Variants in CUBN observed in about 807,000 individuals in gnomAD.
CUBN encodes 460 kDa receptor.
Under a neutral mutation model 405.3 loss-of-function variants are expected in CUBN, and 282 were observed. That is an observed-to-expected ratio of 0.70 (90% CI 0.63 to 0.77). The LOEUF (loss-of-function observed/expected upper bound fraction) is 0.77, where lower values mean the gene tolerates loss of function less well. Among genes scored for constraint, CUBN ranks in the 30% least tolerant of loss-of-function variants. CUBN has a pLI of 0.00. For synonymous variants in CUBN, 1,684 were observed against 1,617.0 expected (o/e 1.04, Z -0.99); for missense variants, 4,514 against 4,475.2 (o/e 1.01, Z -0.25).
At chr10:16,860,480 A>T (rs1839982379) in intron 59 of CUBN, among the ~76,000 whole-genome samples, 1 of 152,240 alleles carries the variant, frequency 6.6e-6, no homozygotes, top group African/African-American at 2.4e-5. Flanking sequence ...ATGGCTTCAA[A>T]ATAAAAAAGA....
rs78257691 is a variant in CUBN at position 17,061,226 on chromosome 10, A to C, written c.3139+4282T>G. On this transcript the variant is annotated intron_variant, in intron 22 of 66. Transcript: ENST00000377833. ...TTTCCATCATGAGCAGTTACAGTCCAATCCACTATTGTATCTCCCTTGTAA... is the reference window on the plus strand; with the variant it reads ...TTTCCATCATGAGCAGTTACAGTCCCATCCACTATTGTATCTCCCTTGTAA... 5.9e-3 allele frequency among the ~76,000 whole-genome samples: 897 copies of C among 152,282 alleles called. 8 individuals are homozygous for C. Among genetic ancestry groups the C allele is most frequent in the African/African-American group, 0.021 (857 of 41,554 alleles).
intron 36 of CUBN, among the ~76,000 whole-genome samples, chr10:16,944,360 C>CA (rs1020703932): frequency 2.0e-5 from 3 of 152,140 alleles, no homozygotes; most frequent in African/African-American, 7.2e-5. Flanking sequence ...ATATGTCTTA[C>CA]AAAAAACTCC....
intron 19 of CUBN, 144 bp downstream of exon 19, chr10:17,071,282 T>C: frequency 1.2e-6 from 1 of 815,212 alleles, no homozygotes. Flanking sequence ...AGTATTTTGC[T>C]GAGGATTTTT....
intron 54 of CUBN, among the ~76,000 whole-genome samples, chr10:16,898,157 A>T (rs1841249266): frequency 6.6e-6 from 1 of 151,824 alleles, no homozygotes; most frequent in African/African-American, 2.4e-5. Context: ...ATCATTTGAG[A>T]GTTGATAGGA....
intron 31 of CUBN, among the ~76,000 whole-genome samples, chr10:16,970,533 A>G (rs1687698): frequency 0.83 from 124,526 of 149,772 alleles, 52,344 homozygotes; most frequent in Non-Finnish European, 0.9. Flanking sequence ...CTGAGATCAC[A>G]CCTTTGCACT....
In CUBN at chr10:16,982,499, T is replaced by C. The variant is rs1242659040; in HGVS notation, c.4680A>G (p.Gln1560=). Residue 1560 remains glutamine, a synonymous_variant, in exon 31 of 67, where the codon CAA becomes CAG. Transcript: ENST00000377833. ...TGTCACTTACCATAATACAAGAGTC[T>C]TGTGGTTCAAGATCAAAGTCAGTGA... ...LNFTDFDLEP[Q]DSCIMAYDGL... 1 of 1,613,532 alleles carries C rather than the reference T, an allele frequency of 6.2e-7. No homozygotes were observed. Among genetic ancestry groups the C allele is most frequent in the Admixed American group, 1.7e-5 (1 of 60,002 alleles).
intron 27 of CUBN, among the ~76,000 whole-genome samples, chr10:17,027,936 G>A (rs546778925): frequency 1.6e-4 from 25 of 151,850 alleles, no homozygotes; most frequent in East Asian, 5.8e-4. Context: ...CACATTGCAC[G>A]CCTGTATCAA....
At chr10:17,001,545 G>C (rs7089878) in intron 28 of CUBN, among the ~76,000 whole-genome samples, 1 of 152,048 alleles carries the variant, frequency 6.6e-6, no homozygotes, top group Non-Finnish European at 1.5e-5. Flanking sequence ...AAAGTTCTCC[G>C]AGTCCCCACT....
Position 17,084,190 on chromosome 10 carries a change from A to C in CUBN, c.2301+81T>G, listed in dbSNP as rs11254359. Reference sequence around the variant, plus strand: ...GTATTCTGGCTGCTGGTGGCCCAACAATCTTTTGAAGACCACCACTCTGCA... The same window carrying C: ...GTATTCTGGCTGCTGGTGGCCCAACCATCTTTTGAAGACCACCACTCTGCA... On this transcript the variant is annotated intron_variant, in intron 17 of 66. Coordinates refer to ENST00000377833, the MANE Select transcript of CUBN (RefSeq NM_001081.4). 1,489 of 1,425,418 alleles carry C rather than the reference A, an allele frequency of 1.0e-3. 24 individuals carry two copies. The East Asian group carries it at 0.028, about 27-fold the overall frequency. The allele number at this position is 1,425,418 out of a possible 1,614,324, so 88.3% of individuals were successfully genotyped here. A position where few individuals can be genotyped will look rare whatever the true frequency, so the allele number is the denominator to read the frequency against.
In CUBN at chr10:16,925,725, C is replaced by G; in HGVS notation, c.6321G>C (p.Lys2107Asn). The G allele has an allele frequency of 6.2e-7, 1 of 1,614,006 alleles. No individual in the cohort carries two copies. The highest frequency in any genetic ancestry group is 8.5e-7 in the Non-Finnish European group (1 of 1,179,956). The change falls in exon 42 of 67, where the codon AAG (lysine) becomes AAC (asparagine). Residue 2107 changes from lysine to asparagine, a missense_variant. Coordinates refer to ENST00000377833, the MANE Select transcript of CUBN (RefSeq NM_001081.4). ...HADRGIITSP[K>N]YPETYPSNLN... ...GGTTGGATGGGTAAGTCTCTGGATA[C>G]TTGGGGGACGTGATGATCCCTCTGT...
intron 58 of CUBN, among the ~76,000 whole-genome samples, chr10:16,873,367 G>C (rs889601224): frequency 3.9e-5 from 6 of 152,162 alleles, no homozygotes; most frequent in African/African-American, 1.4e-4. Context: ...ATCTCTCATA[G>C]CATCAGTTTA....
chr10:16,981,589 G>C (rs997636003), intron 31 of CUBN, among the ~76,000 whole-genome samples: 2 of 152,140 alleles, frequency 1.3e-5, no homozygotes, highest in Non-Finnish European at 2.9e-5. Context: ...CACCCTCTCC[G>C]AGATGGCAGA....
intron 22 of CUBN, among the ~76,000 whole-genome samples, chr10:17,057,058 G>A (rs917258295): frequency 2.6e-5 from 4 of 152,162 alleles, no homozygotes; most frequent in Admixed American, 6.6e-5. Context: ...TGGGAAAGAT[G>A]GAGAAAAGAA....
chr10:16,830,978 T>C (rs371695024), intron 65 of CUBN, among the ~76,000 whole-genome samples: 22 of 151,974 alleles, frequency 1.4e-4, no homozygotes, highest in African/African-American at 5.3e-4. Context: ...TCTCAGCTAC[T>C]TGGGAAGCTG....
At chr10:17,022,137 A>C (rs76078120) in intron 27 of CUBN, among the ~76,000 whole-genome samples, 413 of 152,166 alleles carry the variant, frequency 2.7e-3, no homozygotes, top group African/African-American at 9.5e-3. Context: ...CCTTTGTGCC[A>C]CTCCGTAGAA....
intron 27 of CUBN, among the ~76,000 whole-genome samples, chr10:17,030,580 G>T (rs1834766789): frequency 6.6e-6 from 1 of 152,064 alleles, no homozygotes; most frequent in Non-Finnish European, 1.5e-5. Flanking sequence ...AACTACTGAA[G>T]AAGAATTTTT....
At chr10:17,112,760 T>C (rs921349150) in intron 8 of CUBN, among the ~76,000 whole-genome samples, 1 of 151,832 alleles carries the variant, frequency 6.6e-6, no homozygotes. Flanking sequence ...TGTGTGGGGT[T>C]TCTTGGCGAG....
Position 17,084,436 on chromosome 10 carries a change from G to A in CUBN, c.2136C>T (p.Tyr712=). 1 of 1,613,672 alleles carries A rather than the reference G, an allele frequency of 6.2e-7. No individual in the cohort carries two copies. ...AGAAGAGTTCACCCTCTGGGTCCGT[G>A]TAGTTCCCACCACAACGCAGATCCG... The part of the protein sequence containing the change: ...SPSDLRCGGN[Y]TDPEGELFLP... The change falls in exon 17 of 67, where the codon TAC becomes TAT. Residue 712 remains tyrosine, a synonymous_variant. Coordinates refer to ENST00000377833, the MANE Select transcript of CUBN (RefSeq NM_001081.4).
intron 22 of CUBN, among the ~76,000 whole-genome samples, chr10:17,052,048 G>A (rs1835281700): frequency 6.8e-6 from 1 of 147,000 alleles, no homozygotes; most frequent in African/African-American, 2.7e-5. Context: ...GCCAGTTGGG[G>A]CGGGGGGGAA....
Sources: allele counts gnomAD v4.1 joint callset (sites outside exome capture counted in the v4.1 genomes callset), GRCh38; gene constraint gnomAD v4.1.1; transcripts MANE v1.5; gene names NCBI Gene and HGNC (gene_info 2026-07-23, HGNC 2026-07-21).